Variants in PDE3A observed in about 807,000 individuals in gnomAD.
PDE3A encodes the protein cGMP-inhibited 3',5'-cyclic phosphodiesterase 3A.
PDE3A carries 43 observed loss-of-function variants against 98.3 expected under a neutral mutation model. The observed-to-expected ratio is 0.44, with a 90% CI of 0.34 to 0.56. The LOEUF (loss-of-function observed/expected upper bound fraction) is 0.56. Ranked by LOEUF, PDE3A falls within the 20% of genes least tolerant of loss-of-function variation. The pLI, the probability that PDE3A is intolerant of heterozygous loss-of-function variation, is 0.01. For synonymous variants in PDE3A, 663 were observed against 567.9 expected, an observed-to-expected ratio of 1.17 and a Z score of -2.38; for missense variants, 1,427 against 1,440.7, an observed-to-expected ratio of 0.99 and a Z score of 0.15.
At chr12:20,651,159 A>T (rs1055680994) in intron 14 of PDE3A, among the ~76,000 whole-genome samples, 3 of 152,210 alleles carry the variant, frequency 2.0e-5, no homozygotes, top group Non-Finnish European at 2.9e-5. Flanking sequence ...AAAGAAATAG[A>T]CATTTCATTT....
chr12:20,559,917 T>G (rs1031179364), intron 2 of PDE3A, among the ~76,000 whole-genome samples: 17 of 152,198 alleles, frequency 1.1e-4, no homozygotes, highest in Non-Finnish European at 4.4e-5. Flanking sequence ...TCTGTATAAA[T>G]GCTTTTGGAT....
intron 1 of PDE3A, among the ~76,000 whole-genome samples, chr12:20,390,133 T>C (rs1943885970): frequency 6.6e-6 from 1 of 151,758 alleles, no homozygotes; most frequent in Admixed American, 6.6e-5. Context: ...AGCCCTGCTT[T>C]TGTGCTGAGG....
intron 15 of PDE3A, among the ~76,000 whole-genome samples, chr12:20,663,892 T>A (rs1014394558): frequency 2.6e-5 from 4 of 152,148 alleles, no homozygotes; most frequent in Non-Finnish European, 4.4e-5. Context: ...CAGAATAATA[T>A]GATTTGGCTA....
chr12:20,562,376 C>T (rs1042242947), intron 2 of PDE3A, among the ~76,000 whole-genome samples: 2 of 151,968 alleles, frequency 1.3e-5, no homozygotes, highest in Non-Finnish European at 2.9e-5. Context: ...TGCACCACCA[C>T]GCCCAGCTAA....
chr12:20,636,638 G>C (rs1391556120), intron 8 of PDE3A, among the ~76,000 whole-genome samples: 1 of 152,090 alleles, frequency 6.6e-6, no homozygotes, highest in Admixed American at 6.6e-5. Context: ...GGAATGATCA[G>C]GTCCTACTAC....
In PDE3A at chr12:20,648,769, T is replaced by G; in HGVS notation, c.2647T>G (p.Tyr883Asp). Residue 883 changes from tyrosine to aspartate, a missense_variant, in exon 13 of 16, where the codon TAT becomes GAT. Tyr to Asp is a radical substitution (Grantham distance 160). Transcript: ENST00000359062. ...GAATCTTTTCATGTCCCGGCCAGAG[T>G]ATAACTTCTTAATTAACCTTGACCA... ...AWNLFMSRPEYNFLINLDHVE... is the reference protein window; with the variant it reads ...AWNLFMSRPEDNFLINLDHVE... The G allele has an allele frequency of 6.2e-7, 1 of 1,612,798 alleles. No individual in the cohort carries two copies. Among genetic ancestry groups the G allele is most frequent in the African/African-American group, 1.3e-5 (1 of 75,002 alleles).
Position 20,601,363 on chromosome 12 carries a change from G to A in PDE3A, c.1012-12080G>A, listed in dbSNP as rs541632520. On this transcript the variant is annotated intron_variant, in intron 2 of 15. Coordinates refer to ENST00000359062, the MANE Select transcript of PDE3A (RefSeq NM_000921.5). ...TTTGTATGGTCCTGAAGCAGTCAGG[G>A]AAGATGTCCTGGATTAAGTGTAGAA... Among the ~76,000 whole-genome samples, 3 of 152,272 alleles carry A rather than the reference G, an allele frequency of 2.0e-5. No homozygotes were observed. In the South Asian group the frequency reaches 6.2e-4, roughly 32 times the overall value.
chr12:20,388,463 C>CT (rs1565533523), intron 1 of PDE3A, among the ~76,000 whole-genome samples: 1 of 151,916 alleles, frequency 6.6e-6, no homozygotes, highest in Non-Finnish European at 1.5e-5. Flanking sequence ...TTTTTGGTGT[C>CT]TTTTTGTTTT....
intron 1 of PDE3A, among the ~76,000 whole-genome samples, chr12:20,431,265 A>G (rs1944692959): frequency 1.3e-5 from 2 of 152,296 alleles, no homozygotes; most frequent in East Asian, 1.9e-4. Context: ...AAGGTTTTGC[A>G]TATTTTAATT....
intron 1 of PDE3A, among the ~76,000 whole-genome samples, chr12:20,492,985 C>T (rs1945855216): frequency 6.6e-6 from 1 of 152,078 alleles, no homozygotes; most frequent in Non-Finnish European, 1.5e-5. Context: ...CCTAGTAACT[C>T]TGTGCTTTAT....
rs1946009861 is a variant in PDE3A at position 20,687,762 on chromosome 12, A to G, written c.*7491A>G. Among the ~76,000 whole-genome samples the G allele has an allele frequency of 1.3e-5, 2 of 151,920 alleles. No homozygotes were observed. Among genetic ancestry groups the G allele is most frequent in the South Asian group, 4.1e-4 (2 of 4,824 alleles). On this transcript the variant is annotated 3_prime_UTR_variant, in exon 16 of 16. Coordinates refer to ENST00000359062, the MANE Select transcript of PDE3A (RefSeq NM_000921.5). Reference sequence around the variant, plus strand: ...GAGATTCTCCCTGGCTTTCTATAATATATTAGGATATGTGACTGAAGGAAA... The same window carrying G: ...GAGATTCTCCCTGGCTTTCTATAATGTATTAGGATATGTGACTGAAGGAAA...
At chr12:20,401,161 A>G (rs950959020) in intron 1 of PDE3A, among the ~76,000 whole-genome samples, 3 of 152,092 alleles carry the variant, frequency 2.0e-5, no homozygotes, top group Admixed American at 6.5e-5. Context: ...GTCCTAGTTT[A>G]TGGCCGTATC....
intron 1 of PDE3A, among the ~76,000 whole-genome samples, chr12:20,410,538 A>G (rs1944314177): frequency 6.6e-6 from 1 of 152,166 alleles, no homozygotes; most frequent in Non-Finnish European, 1.5e-5. Context: ...TGTTCTAGAA[A>G]TAACCACCTC....
chr12:20,506,626 C>G (rs1030009776), intron 1 of PDE3A, among the ~76,000 whole-genome samples: 1 of 151,928 alleles, frequency 6.6e-6, no homozygotes, highest in Non-Finnish European at 1.5e-5. Context: ...TAATTTGGCT[C>G]ATACATATCT....
At chr12:20,639,167 G>A (rs11045356) in intron 9 of PDE3A, among the ~76,000 whole-genome samples, 29,911 of 151,930 alleles carry the variant, frequency 0.2, 3,089 homozygotes, top group African/African-American at 0.23. Flanking sequence ...CCACTCCCTT[G>A]AAGTTCTGTG....
chr12:20,632,310 G>C (rs796149290), intron 6 of PDE3A, among the ~76,000 whole-genome samples: 1 of 151,964 alleles, frequency 6.6e-6, no homozygotes, highest in African/African-American at 2.4e-5. Context: ...ATGCAGATAC[G>C]GTCTACCTAC....
At chr12:20,425,481 A>T (rs1177303558) in intron 1 of PDE3A, among the ~76,000 whole-genome samples, 1 of 152,146 alleles carries the variant, frequency 6.6e-6, no homozygotes, top group Non-Finnish European at 1.5e-5. Context: ...TTATGTATGC[A>T]TTTTTGTATG....
intron 1 of PDE3A, among the ~76,000 whole-genome samples, chr12:20,459,595 T>G (rs2120920557): frequency 6.6e-6 from 1 of 152,314 alleles, no homozygotes; most frequent in Non-Finnish European, 1.5e-5. Flanking sequence ...TTGTTTTACA[T>G]TGTAGAGCAT....
intron 1 of PDE3A, among the ~76,000 whole-genome samples, chr12:20,386,892 T>A (rs1353269956): frequency 1.3e-5 from 2 of 152,150 alleles, no homozygotes; most frequent in African/African-American, 4.8e-5. Context: ...CTTCTAGGGT[T>A]TTTATAGTTT....
Sources: allele counts gnomAD v4.1 joint callset (sites outside exome capture counted in the v4.1 genomes callset), GRCh38; gene constraint gnomAD v4.1.1; transcripts MANE v1.5; gene names NCBI Gene and HGNC (gene_info 2026-07-23, HGNC 2026-07-21).